Variants in TOR1A observed in about 807,000 individuals in gnomAD.
The protein encoded by TOR1A is torsin family 1 member A.
A neutral mutation model predicts 31.4 loss-of-function variants in TOR1A; 18 were observed. The ratio of observed to expected loss-of-function variants is 0.57; its 90% CI spans 0.40 to 0.85. TOR1A has a LOEUF of 0.85. TOR1A is among the 40% of genes least tolerant of loss of function. The probability of loss-of-function intolerance (pLI) is 0.00; values close to 1 mark genes in which losing one functional copy is unlikely to be tolerated. For synonymous variants in TOR1A, 168 were observed against 165.9 expected (o/e 1.01, Z -0.10); for missense variants, 375 against 416.4 (o/e 0.90, Z 0.87).
At chr9:129,820,603 GTTC>G (rs948823501) in intron 2 of TOR1A, among the ~76,000 whole-genome samples, 73 of 152,190 alleles carry the variant, frequency 4.8e-4, no homozygotes, top group African/African-American at 1.6e-3. Context: ...GTCTAGAATG[GTTC>G]TTGTTTGTTT....
intron 2 of TOR1A, among the ~76,000 whole-genome samples, 159 bp from the exon 3 acceptor site, chr9:129,819,079 T>C (rs1244794556): frequency 6.6e-6 from 1 of 152,152 alleles, no homozygotes; most frequent in African/African-American, 2.4e-5. Context: ...ACCAACCCCA[T>C]GGAGTGGGCA....
At chr9:129,814,255 C>T (rs764528364) in intron 4 of TOR1A, 33 bp from the exon 5 acceptor site, 11 of 1,613,546 alleles carry the variant, frequency 6.8e-6, no homozygotes, top group Non-Finnish European at 9.3e-6. Context: ...TGTTCATCCA[C>T]ATCCACCCAC....
chr9:129,815,019 A>G (rs936141228), intron 4 of TOR1A, among the ~76,000 whole-genome samples: 1 of 151,364 alleles, frequency 6.6e-6, no homozygotes, highest in Admixed American at 6.6e-5. Flanking sequence ...TGACCCGTCC[A>G]CTCCTCCTGG....
At chr9:129,820,374 C>G (rs1345822040) in intron 2 of TOR1A, among the ~76,000 whole-genome samples, 1 of 152,126 alleles carries the variant, frequency 6.6e-6, no homozygotes, top group East Asian at 1.9e-4. Context: ...CCCGCTTCGG[C>G]CTCCCAAAGT....
In TOR1A at chr9:129,822,665, G is replaced by A. The variant is rs1014117216; in HGVS notation, c.360C>T (p.Tyr120=). 6 of 1,614,090 alleles carry A rather than the reference G, an allele frequency of 3.7e-6. No individual in the cohort carries two copies. In the Admixed American group the frequency reaches 5.0e-5, roughly 13 times the overall value. The part of the protein sequence containing the change: ...FVSKIIAENI[Y]EGGLNSDYVH... ...CATAGTCACTGTTCAGACCACCCTC[G>A]TAAATATTCTCTGCGATGATCTTGC... The change falls in exon 2 of 5, where the codon TAC becomes TAT. Residue 120 remains tyrosine, a synonymous_variant. Coordinates refer to ENST00000351698, the MANE Select transcript of TOR1A (RefSeq NM_000113.3).
chr9:129,820,593 G>A (rs1264101871), intron 2 of TOR1A, among the ~76,000 whole-genome samples: 6 of 152,032 alleles, frequency 3.9e-5, no homozygotes, highest in Admixed American at 1.3e-4. Flanking sequence ...ATCCTGATTC[G>A]TCTAGAATGG....
chr9:129,818,702 T>C (rs772625338), intron 3 of TOR1A, 43 bp downstream of exon 3: 5 of 1,614,004 alleles, frequency 3.1e-6, no homozygotes, highest in Non-Finnish European at 4.2e-6. Flanking sequence ...GCTCAGAGGC[T>C]TGGGCTCGGG....
Position 129,822,649 on chromosome 9 carries a change from T to C in TOR1A, c.376A>G (p.Ser126Gly). The stretch of plus-strand genomic sequence containing the variant: ...GCCACAAACAGGTGGACATAGTCAC[T>C]GTTCAGACCACCCTCGTAAATATTC... ...AENIYEGGLN[S>G]DYVHLFVATL... is the part of the protein sequence containing the mutation. Residue 126 changes from serine to glycine, a missense_variant, in exon 2 of 5, where the codon AGT becomes GGT. Coordinates refer to ENST00000351698, the MANE Select transcript of TOR1A (RefSeq NM_000113.3). The C allele has an allele frequency of 6.2e-7, 1 of 1,614,254 alleles. No individual in the cohort carries two copies. Among genetic ancestry groups the C allele is most frequent in the Middle Eastern group, 1.6e-4 (1 of 6,062 alleles).
chr9:129,815,119 T>TA (rs2031003361), intron 4 of TOR1A, among the ~76,000 whole-genome samples: 1 of 152,244 alleles, frequency 6.6e-6, no homozygotes, highest in Admixed American at 6.5e-5. Flanking sequence ...GCGTGTCTTC[T>TA]ACTGAGCTGA....
rs1161403830 is a variant in TOR1A at position 129,813,052 on chromosome 9, G to C, written c.*920C>G. On this transcript the variant is annotated 3_prime_UTR_variant, in exon 5 of 5. Coordinates refer to ENST00000351698, the MANE Select transcript of TOR1A (RefSeq NM_000113.3). ...GCTAAGCTTTATAGGAGGTTTCGGG[G>C]ATTCTGATTGAACGTAACAAATAAT... 1 of 152,178 alleles carries C rather than the reference G, an allele frequency of 6.6e-6. No individual in the cohort carries two copies. The highest frequency in any genetic ancestry group is 1.5e-5 in the Non-Finnish European group (1 of 68,034). 9.4% of individuals were successfully genotyped at this position (152,178 alleles called of 1,614,324 possible). A position where few individuals can be genotyped will look rare whatever the true frequency, so the allele number is the denominator to read the frequency against.
chr9:129,816,712 G>T (rs1389021276), intron 4 of TOR1A, among the ~76,000 whole-genome samples: 1 of 152,252 alleles, frequency 6.6e-6, no homozygotes, highest in African/African-American at 2.4e-5. Flanking sequence ...AACCTCCACA[G>T]CGTGGATTCT....
In TOR1A at chr9:129,818,581, T is replaced by C. The variant is rs552034333; in HGVS notation, c.687A>G (p.Glu229=). ...LDFWRSGKQR[E]DIKLKDIEHA... ...GTTCAATGTCTTTGAGCTTGATGTC[T>C]TCCCTCTGCTTTCCACTCCTCCAGA... is the stretch of plus-strand genomic sequence containing the variant. Residue 229 remains glutamate (E), a synonymous_variant, in exon 4 of 5, where the codon GAA becomes GAG. Coordinates refer to ENST00000351698, the MANE Select transcript of TOR1A (RefSeq NM_000113.3). 134 of 1,614,242 alleles carry C rather than the reference T, an allele frequency of 8.3e-5. 1 individual carries two copies. The South Asian group carries it at 1.4e-3, about 17-fold the overall frequency.
At position 129,822,558 on chromosome 9, in the gene TOR1A, G is replaced by A. The variant is rs769778953; in HGVS notation, c.444+23C>T. On this transcript the variant is annotated intron_variant, in intron 2 of 4. Transcript: ENST00000351698. ...CCCAAACCCGATGACATCCAGGAAG[G>A]GATTCCAAACTTCCATCCTTGCCTT... 2.5e-6 allele frequency: 4 copies of A among 1,613,898 alleles called. No individual in the cohort carries two copies. In the East Asian group the frequency reaches 6.7e-5, roughly 27 times the overall value.
At chr9:129,816,291 C>T (rs1420608367) in intron 4 of TOR1A, among the ~76,000 whole-genome samples, 1 of 152,172 alleles carries the variant, frequency 6.6e-6, no homozygotes, top group Non-Finnish European at 1.5e-5. Context: ...CTTCCCTGTC[C>T]ACTCTATTAA....
intron 4 of TOR1A, among the ~76,000 whole-genome samples, chr9:129,817,219 C>A (rs1386826446): frequency 6.6e-6 from 1 of 152,230 alleles, no homozygotes; most frequent in African/African-American, 2.4e-5. Flanking sequence ...GTGAAATCCG[C>A]AGGCAGGCTG....
chr9:129,820,574 G>A (rs1588217459), intron 2 of TOR1A, among the ~76,000 whole-genome samples: 1 of 152,138 alleles, frequency 6.6e-6, no homozygotes, highest in African/African-American at 2.4e-5. Context: ...ATTCTAAGAT[G>A]ATCAACTTAT....
chr9:129,820,132 C>CT lies in TOR1A; in HGVS notation c.445-1213dup, dbSNP rs956481254. Among the ~76,000 whole-genome samples the CT allele has an allele frequency of 4.0e-3, 570 of 141,736 alleles. 5 individuals carry two copies. Among genetic ancestry groups the CT allele is most frequent in the African/African-American group, 0.013 (513 of 38,726 alleles). The allele number at this position is 141,736 out of a possible 152,430, so 93.0% of individuals were successfully genotyped here. ...AATATTCTAAGCACTGTTCATATAACTTTTTTTTTTTGACAGTCTCGCTCT... is the reference window on the plus strand; with the variant it reads ...AATATTCTAAGCACTGTTCATATAACTTTTTTTTTTTTGACAGTCTCGCTCT... On this transcript the variant is annotated intron_variant, in intron 2 of 4. Coordinates refer to ENST00000351698, the MANE Select transcript of TOR1A (RefSeq NM_000113.3).
rs117641148 is a variant in TOR1A at position 129,816,108 on chromosome 9, T to C, written c.749-1886A>G. Among the ~76,000 whole-genome samples the C allele has an allele frequency of 7.9e-5, 12 of 152,152 alleles. No individual in the cohort carries two copies. The East Asian group carries it at 1.9e-3, about 25-fold the overall frequency. ...CACCTCCACCCCAAATCTCGCCTCT[T>C]CTATCACCTCCCGTTTCCCTCCTCT... On this transcript the variant is annotated intron_variant, in intron 4 of 4. Coordinates refer to ENST00000351698, the MANE Select transcript of TOR1A (RefSeq NM_000113.3).
Position 129,813,718 on chromosome 9 carries a change from C to T in TOR1A, c.*254G>A, listed in dbSNP as rs145607121. The T allele has an allele frequency of 2.9e-5, 17 of 582,386 alleles. No homozygotes were observed. The East Asian group carries it at 4.1e-4, about 14-fold the overall frequency. 36.1% of individuals were successfully genotyped at this position (582,386 alleles called of 1,614,324 possible). On this transcript the variant is annotated 3_prime_UTR_variant, in exon 5 of 5. Transcript: ENST00000351698. The stretch of plus-strand genomic sequence containing the variant: ...AATTTGTAAAAAATCATGAGCCCTG[C>T]GATGAGTGGGCTGGGAGCTGGCTCC...
Sources: gnomAD v4.1 joint callset for allele counts (sites outside exome capture counted in the v4.1 genomes callset) on GRCh38, gnomAD v4.1.1 for gene constraint, MANE v1.5 for transcripts, NCBI Gene and HGNC (gene_info 2026-07-23, HGNC 2026-07-21) for gene names.